Variants in C8orf74 observed in about 807,000 individuals in gnomAD.
C8orf74 encodes the protein chromosome 8 open reading frame 74, also known as uncharacterized protein C8orf74.
C8orf74 carries 29 observed loss-of-function variants against 22.2 expected under a neutral mutation model. The observed-to-expected ratio is 1.31, with a 90% CI of 0.97 to 1.78. C8orf74 has a LOEUF of 1.78. Ranked by LOEUF, C8orf74 falls within the 40% of genes most tolerant of loss-of-function variation. C8orf74 has a pLI of 0.00. For synonymous variants in C8orf74, 255 were observed against 163.1 expected (o/e 1.56, Z -4.30); for missense variants, 515 against 369.9 (o/e 1.39, Z -3.22).
chr8:10,676,020 G>A (rs1277326839), intron 2 of C8orf74, among the ~76,000 whole-genome samples: 1 of 152,236 alleles, frequency 6.6e-6, no homozygotes, highest in Non-Finnish European at 1.5e-5. Context: ...GATGGGTCGT[G>A]ATGATGAATG....
chr8:10,678,497 G>T (rs529123323), intron 2 of C8orf74, among the ~76,000 whole-genome samples: 1 of 151,958 alleles, frequency 6.6e-6, no homozygotes, highest in African/African-American at 2.4e-5. Flanking sequence ...CAGTAGACAC[G>T]TGCCAGGGCC....
intron 2 of C8orf74, among the ~76,000 whole-genome samples, chr8:10,684,272 T>C (rs987266877): frequency 6.6e-6 from 1 of 152,232 alleles, no homozygotes; most frequent in Non-Finnish European, 1.5e-5. Context: ...CTTGAGACTT[T>C]CTGGCTGCAG....
chr8:10,697,089 T>TA (rs910698937), intron 2 of C8orf74, among the ~76,000 whole-genome samples: 44 of 152,016 alleles, frequency 2.9e-4, no homozygotes, highest in Middle Eastern at 3.4e-3. Context: ...TTACTGCAAG[T>TA]AAAAAAAGAA....
chr8:10,688,217 AAAAAG>A (rs1799302204), intron 2 of C8orf74: 1 of 152,058 alleles, frequency 6.6e-6, no homozygotes, highest in South Asian at 2.1e-4. Flanking sequence ...GAAAAAAAAA[AAAAAG>A]AAAAGAAAAA....
At chr8:10,675,527 A>T (rs901781903) in intron 2 of C8orf74, 2 of 152,210 alleles carry the variant, frequency 1.3e-5, no homozygotes, top group African/African-American at 4.8e-5. Flanking sequence ...GAAATGGGAT[A>T]CTTCCATGCT....
rs778366643 is a variant in C8orf74, at chr8:10,700,333, C to T, written c.747C>T (p.Asp249=). ...RQIQNTFAIL[D]LKLQKKTLNL... is the part of the protein sequence containing the mutation. ...TCCAGAACACATTCGCCATCTTGGA[C>T]CTGAAGCTTCAGAAGAAGACTCTGA... The change falls in exon 4 of 4, where the codon GAC becomes GAT. Residue 249 remains aspartate (D), a synonymous_variant. Transcript: ENST00000304519. The T allele has an allele frequency of 3.7e-6, 6 of 1,613,842 alleles. No homozygotes were observed. In the South Asian group the frequency reaches 5.5e-5, roughly 15 times the overall value.
intron 3 of C8orf74, 94 bp downstream of exon 3, chr8:10,698,099 C>A: frequency 1.6e-6 from 2 of 1,243,570 alleles, no homozygotes; most frequent in South Asian, 1.7e-5. Context: ...TCCTCAGTGG[C>A]ACACAGGGGA....
At chr8:10,677,151 C>G (rs752759979) in intron 2 of C8orf74, among the ~76,000 whole-genome samples, 3 of 152,088 alleles carry the variant, frequency 2.0e-5, no homozygotes, top group African/African-American at 7.2e-5. Context: ...ACAGACACCC[C>G]CTAAGGAACA....
chr8:10,689,822 T>C (rs1799336238), intron 2 of C8orf74: 1 of 152,186 alleles, frequency 6.6e-6, no homozygotes, highest in Admixed American at 6.5e-5. Context: ...AAGTGGATTA[T>C]CACCAAGGCC....
intron 2 of C8orf74, among the ~76,000 whole-genome samples, chr8:10,677,238 C>G (rs541880718): frequency 1.2e-4 from 19 of 152,290 alleles, no homozygotes; most frequent in African/African-American, 4.6e-4. Flanking sequence ...TTGTATCTAG[C>G]CTACAGCTGC....
chr8:10,698,087 G>A lies in C8orf74; in HGVS notation c.648+82G>A, dbSNP rs1426275476. On this transcript the variant is annotated intron_variant, in intron 3 of 3. Coordinates refer to ENST00000304519, the MANE Select transcript of C8orf74 (RefSeq NM_001040032.2). ...AGGGCTGGAGTCACTGCAGATGGGA[G>A]CTCCTCAGTGGCACACAGGGGAGGG... is the stretch of plus-strand genomic sequence containing the variant. 5.2e-6 allele frequency: 7 copies of A among 1,345,394 alleles called. 1 individual carries two copies. In the African/African-American group the frequency reaches 1.0e-4, roughly 20 times the overall value. The allele number at this position is 1,345,394 out of a possible 1,614,324, so 83.3% of individuals were successfully genotyped here.
intron 2 of C8orf74, among the ~76,000 whole-genome samples, chr8:10,696,774 T>G (rs542071067): frequency 8.5e-5 from 13 of 152,198 alleles, no homozygotes; most frequent in African/African-American, 2.9e-4. Flanking sequence ...TTATGGGAAT[T>G]CCTTTTCTAC....
rs559903122 is a variant in C8orf74, at chr8:10,675,675, C to T, written c.241+837C>T. 8 of 152,314 alleles carry T rather than the reference C, an allele frequency of 5.3e-5. No individual in the cohort carries two copies. In the South Asian group the frequency reaches 8.3e-4, roughly 16 times the overall value. The allele number at this position is 152,314 out of a possible 1,614,324, so 9.4% of individuals were successfully genotyped here. ...CAGTAAAAGGCCACACACAGAATCC[C>T]GTGTGCCTGGTCAGACGCAGTGAGC... On this transcript the variant is annotated intron_variant, in intron 2 of 3. Transcript: ENST00000304519.
At chr8:10,684,689 C>T (rs1449445385) in intron 2 of C8orf74, among the ~76,000 whole-genome samples, 4 of 152,236 alleles carry the variant, frequency 2.6e-5, no homozygotes, top group Admixed American at 6.5e-5. Flanking sequence ...TCTCTCTTCA[C>T]AATTTCACAG....
chr8:10,687,551 G>A (rs959569782), intron 2 of C8orf74, among the ~76,000 whole-genome samples: 3 of 145,306 alleles, frequency 2.1e-5, no homozygotes, highest in Non-Finnish European at 4.4e-5. Context: ...GGCGGAGGTT[G>A]CAGTCAGCTG....
chr8:10,684,828 G>A (rs576027766), intron 2 of C8orf74, among the ~76,000 whole-genome samples: 2 of 152,166 alleles, frequency 1.3e-5, no homozygotes, highest in Non-Finnish European at 2.9e-5. Flanking sequence ...TGGCATATCC[G>A]AATTGCCAGC....
intron 2 of C8orf74, among the ~76,000 whole-genome samples, chr8:10,695,692 A>C (rs1214558617): frequency 2.0e-5 from 3 of 152,106 alleles, no homozygotes; most frequent in Non-Finnish European, 4.4e-5. Context: ...CGTGGGCAAG[A>C]CTGAGACAGT....
At position 10,700,379 on chromosome 8, in the gene C8orf74, AT is replaced by A; in HGVS notation, c.794del (p.Ile265ThrfsTer15). 1 of 1,592,232 alleles carries A rather than the reference AT, an allele frequency of 6.3e-7. No individual in the cohort carries two copies. The highest frequency in any genetic ancestry group is 8.6e-7 in the Non-Finnish European group (1 of 1,165,980). Reference protein sequence around the residue: ...KTLNLNAPTPIPPPITSHAGQ... With the variant: ...KTLNLNAPTPXPPPITSHAGQ... ...TCTGAACCTCAACGCCCCCACCCCT[AT>A]CCCGCCCCCCATCACCAGCCACGCA... On this transcript the variant is annotated frameshift_variant, in exon 4 of 4. Coordinates refer to ENST00000304519, the MANE Select transcript of C8orf74 (RefSeq NM_001040032.2). LOFTEE classifies it low-confidence loss of function (END_TRUNC).
At chr8:10,698,674 T>G (rs1799584800) in intron 3 of C8orf74, among the ~76,000 whole-genome samples, 1 of 152,094 alleles carries the variant, frequency 6.6e-6, no homozygotes, top group South Asian at 2.1e-4. Flanking sequence ...CAAGCCTACA[T>G]TAGTTTCTTA....
Sources: gnomAD v4.1 joint callset for allele counts (sites outside exome capture counted in the v4.1 genomes callset) on GRCh38, gnomAD v4.1.1 for gene constraint, MANE v1.5 for transcripts, NCBI Gene and HGNC (gene_info 2026-07-23, HGNC 2026-07-21) for gene names.